Variants in FAM221A observed in about 807,000 individuals in gnomAD.
FAM221A encodes family with sequence similarity 221 member A.
FAM221A carries 43 observed loss-of-function variants against 37.6 expected under a neutral mutation model. That is an observed-to-expected ratio of 1.15 (90% CI 0.90 to 1.48). FAM221A has a LOEUF of 1.48. Among genes scored for constraint, FAM221A ranks in the 40% most tolerant of loss-of-function variants. FAM221A has a pLI of 0.00. For missense variants in FAM221A, 361 were observed against 361.5 expected, an observed-to-expected ratio of 1.00 and a Z score of 0.01; for synonymous variants, 135 against 132.9, an observed-to-expected ratio of 1.02 and a Z score of -0.11.
intron 5 of FAM221A, 23 bp from the exon 6 acceptor site, chr7:23,700,763 C>T: frequency 6.9e-7 from 1 of 1,446,604 alleles, no homozygotes; most frequent in Non-Finnish European, 9.5e-7. Context: ...AAATACATTA[C>T]TTAGATTTTT....
Position 23,702,284 on chromosome 7 carries a change from T to G in FAM221A, c.*120T>G. 1.8e-6 allele frequency: 1 copy of G among 543,912 alleles called. No individual in the cohort carries two copies. The highest frequency in any genetic ancestry group is 3.0e-6 in the Non-Finnish European group (1 of 332,832). 33.7% of individuals were successfully genotyped at this position (543,912 alleles called of 1,614,324 possible). A position where few individuals can be genotyped will look rare whatever the true frequency, so the allele number is the denominator to read the frequency against. On this transcript the variant is annotated 3_prime_UTR_variant, in exon 7 of 7. Coordinates refer to ENST00000344962, the MANE Select transcript of FAM221A (RefSeq NM_199136.5). Reference sequence around the variant, plus strand: ...TTTTTTTTTTACTGTATAAATGTCTTTTGGGATGTTTCCTTAATTTATTTA... The same window carrying G: ...TTTTTTTTTTACTGTATAAATGTCTGTTGGGATGTTTCCTTAATTTATTTA...
Position 23,702,439 on chromosome 7 carries a change from C to A in FAM221A, c.*275C>A. 9.7e-6 allele frequency: 2 copies of A among 206,892 alleles called. No individual in the cohort carries two copies. Among genetic ancestry groups the A allele is most frequent in the South Asian group, 1.9e-4 (1 of 5,402 alleles). 12.8% of individuals were successfully genotyped at this position (206,892 alleles called of 1,614,324 possible). On this transcript the variant is annotated 3_prime_UTR_variant, in exon 7 of 7. Coordinates refer to ENST00000344962, the MANE Select transcript of FAM221A (RefSeq NM_199136.5). ...GAGAGTACAGTAAATGTTTTTAGTA[C>A]ATAATAATTTAACTGTTTCAGGTAT... is the stretch of plus-strand genomic sequence containing the variant.
intron 4 of FAM221A, 66 bp downstream of exon 4, chr7:23,691,662 C>G (rs957754000): frequency 4.6e-6 from 6 of 1,310,578 alleles, no homozygotes; most frequent in Admixed American, 1.7e-5. Context: ...AATAGTGAAG[C>G]CTTATATTTG....
intron 2 of FAM221A, 146 bp from the exon 3 acceptor site, chr7:23,689,123 G>A (rs1335683490): frequency 7.7e-6 from 4 of 516,510 alleles, no homozygotes; most frequent in South Asian, 4.4e-5. Flanking sequence ...AGTACTATAT[G>A]TAGGAGAGTT....
intron 6 of FAM221A, 42 bp from the exon 7 acceptor site, chr7:23,702,054 G>A: frequency 1.5e-6 from 2 of 1,361,418 alleles, no homozygotes; most frequent in Non-Finnish European, 2.0e-6. Flanking sequence ...TCTTTAGAAT[G>A]GTTTACAAGT....
In FAM221A at chr7:23,693,152, A is replaced by C. The variant is rs1784847748; in HGVS notation, c.637+1556A>C. Reference sequence around the variant, plus strand: ...TTTGTCTGCCTGTATCCTTGCATGAATTTGACTCTAAGGTAGATACAGAGA... The same window carrying C: ...TTTGTCTGCCTGTATCCTTGCATGACTTTGACTCTAAGGTAGATACAGAGA... On this transcript the variant is annotated intron_variant, in intron 4 of 6. Coordinates refer to ENST00000344962, the MANE Select transcript of FAM221A (RefSeq NM_199136.5). 2.6e-5 allele frequency: 4 copies of C among 152,174 alleles called. No homozygotes were observed. In the South Asian group the frequency reaches 8.3e-4, roughly 32 times the overall value. 9.4% of individuals were successfully genotyped at this position (152,174 alleles called of 1,614,324 possible).
In FAM221A at chr7:23,702,360, T is replaced by C. The variant is rs1000354543; in HGVS notation, c.*196T>C. On this transcript the variant is annotated 3_prime_UTR_variant, in exon 7 of 7. Transcript: ENST00000344962. The stretch of plus-strand genomic sequence containing the variant: ...TGTCAAAACTCATAATTTACTACTT[T>C]GTATGTACCTTTCTTTCTCCTGACA... 1.1e-5 allele frequency: 4 copies of C among 358,944 alleles called. No individual in the cohort carries two copies. Among genetic ancestry groups the C allele is most frequent in the Non-Finnish European group, 2.0e-5 (4 of 195,324 alleles). 22.2% of individuals were successfully genotyped at this position (358,944 alleles called of 1,614,324 possible). A position where few individuals can be genotyped will look rare whatever the true frequency, so the allele number is the denominator to read the frequency against.
chr7:23,698,902 T>C (rs1241109607), intron 5 of FAM221A, among the ~76,000 whole-genome samples: 1 of 152,110 alleles, frequency 6.6e-6, no homozygotes, highest in Admixed American at 6.6e-5. Context: ...TAGTACATAA[T>C]GATAAAATAT....
intron 6 of FAM221A, among the ~76,000 whole-genome samples, chr7:23,701,295 A>C (rs1434987141): frequency 7.5e-6 from 1 of 133,360 alleles, no homozygotes; most frequent in Non-Finnish European, 1.5e-5. Context: ...GCTGGAGTGC[A>C]GTGGCGCGAT....
chr7:23,688,644 T>C (rs959339004), intron 2 of FAM221A: 2 of 151,736 alleles, frequency 1.3e-5, no homozygotes, highest in African/African-American at 4.8e-5. Context: ...CTTTTCTTTT[T>C]TTTTTTTTTG....
intron 4 of FAM221A, among the ~76,000 whole-genome samples, chr7:23,697,015 T>C (rs1785099547): frequency 6.6e-6 from 1 of 151,844 alleles, no homozygotes; most frequent in African/African-American, 2.4e-5. Context: ...GGGGACTCAA[T>C]AGAGGAAGTG....
chr7:23,681,279 G>A (rs1458312653), intron 1 of FAM221A, among the ~76,000 whole-genome samples: 1 of 152,156 alleles, frequency 6.6e-6, no homozygotes, highest in African/African-American at 2.4e-5. Flanking sequence ...CTTTTGCCTG[G>A]GAGCAAGTTG....
chr7:23,688,662 G>C (rs1230138907), intron 2 of FAM221A: 1 of 148,632 alleles, frequency 6.7e-6, no homozygotes, highest in Non-Finnish European at 1.5e-5. Context: ...TTGAGATGGA[G>C]TTTCGCTCTT....
In FAM221A at chr7:23,680,298, C is replaced by T. The variant is rs936964654; in HGVS notation, c.65+15C>T. On this transcript the variant is annotated intron_variant, in intron 1 of 6. Coordinates refer to ENST00000344962, the MANE Select transcript of FAM221A (RefSeq NM_199136.5). ...GAGTACCGGAGGTGAGGCTGTGGCT[C>T]CGGGCCTGCCCCCCCGCCGCTCCGA... The T allele has an allele frequency of 7.9e-6, 12 of 1,523,666 alleles. No homozygotes were observed. Among genetic ancestry groups the T allele is most frequent in the African/African-American group, 1.4e-5 (1 of 71,160 alleles). 94.4% of individuals were successfully genotyped at this position (1,523,666 alleles called of 1,614,324 possible). A position where few individuals can be genotyped will look rare whatever the true frequency, so the allele number is the denominator to read the frequency against.
intron 2 of FAM221A, chr7:23,687,615 A>G (rs1360545882): frequency 6.6e-6 from 1 of 151,716 alleles, no homozygotes; most frequent in Non-Finnish European, 1.5e-5. Flanking sequence ...AAACATTATT[A>G]AATAGAATTT....
chr7:23,693,783 T>G (rs537897381), intron 4 of FAM221A: 1 of 152,356 alleles, frequency 6.6e-6, no homozygotes, highest in South Asian at 2.1e-4. Flanking sequence ...TGGCCAGTTA[T>G]TCAAGCACCA....
chr7:23,685,558 G>C (rs1425673248), intron 2 of FAM221A, among the ~76,000 whole-genome samples: 1 of 152,176 alleles, frequency 6.6e-6, no homozygotes, highest in Non-Finnish European at 1.5e-5. Context: ...TGCTTGAATT[G>C]ACCCACACTG....
chr7:23,691,811 T>A (rs1221962089), intron 4 of FAM221A, among the ~76,000 whole-genome samples: 1 of 152,226 alleles, frequency 6.6e-6, no homozygotes, highest in Non-Finnish European at 1.5e-5. Context: ...GTTTTATTGC[T>A]ACTATACAAT....
At chr7:23,685,256 GCAAAACAAAA>G (rs58823921) in intron 2 of FAM221A, among the ~76,000 whole-genome samples, 36,203 of 148,686 alleles carry the variant, frequency 0.24, 5,829 homozygotes, top group African/African-American at 0.46. Flanking sequence ...TCAAAACAAA[GCAAAACAAAA>G]CAAAACAAAA....
Sources: gnomAD v4.1 joint callset for allele counts (sites outside exome capture counted in the v4.1 genomes callset) on GRCh38, gnomAD v4.1.1 for gene constraint, MANE v1.5 for transcripts, NCBI Gene and HGNC (gene_info 2026-07-23, HGNC 2026-07-21) for gene names.